Variants in DPY19L2 observed in about 807,000 individuals in gnomAD.
DPY19L2 encodes dpy-19 like 2.
In DPY19L2, 34 loss-of-function variants were observed where a neutral mutation model predicts 97.9. The ratio of observed to expected loss-of-function variants is 0.35; its 90% CI spans 0.26 to 0.46. The LOEUF (loss-of-function observed/expected upper bound fraction) is 0.46. Among genes scored for constraint, DPY19L2 ranks in the 20% least tolerant of loss-of-function variants. The probability of loss-of-function intolerance (pLI) is 1.00; values close to 1 mark genes in which losing one functional copy is unlikely to be tolerated. For synonymous variants in DPY19L2, 230 were observed against 307.9 expected (o/e 0.75, Z 2.65); for missense variants, 623 against 911.4 (o/e 0.68, Z 4.07).
At chr12:63,595,677 A>T (rs1187547918) in intron 15 of DPY19L2, among the ~76,000 whole-genome samples, 1 of 152,128 alleles carries the variant, frequency 6.6e-6, no homozygotes, top group Non-Finnish European at 1.5e-5. Context: ...CAGGATTGTA[A>T]GTTCCAAGAC....
At chr12:63,655,973 C>T (rs1278111919) in intron 4 of DPY19L2, among the ~76,000 whole-genome samples, 1 of 152,144 alleles carries the variant, frequency 6.6e-6, no homozygotes, top group East Asian at 1.9e-4. Flanking sequence ...AGTGGCATGA[C>T]CCATGTAATT....
At chr12:63,570,922 A>C in intron 19 of DPY19L2, 65 bp from the exon 20 acceptor site, 11 of 1,534,356 alleles carry the variant, frequency 7.2e-6, no homozygotes, top group Non-Finnish European at 9.7e-6. Flanking sequence ...AGTTAAACTT[A>C]CCTCTAATAT....
intron 4 of DPY19L2, among the ~76,000 whole-genome samples, chr12:63,649,459 G>T (rs1893882207): frequency 6.6e-6 from 1 of 151,240 alleles, no homozygotes. Context: ...AGAGAGAGAA[G>T]ACCCAAATAA....
intron 6 of DPY19L2, among the ~76,000 whole-genome samples, chr12:63,628,415 T>C (rs1889959985): frequency 6.6e-6 from 1 of 152,054 alleles, no homozygotes; most frequent in African/African-American, 2.4e-5. Flanking sequence ...CACCAGGAGA[T>C]TATATCACAC....
At chr12:63,597,773 CATATT>C (rs1197978915) in intron 14 of DPY19L2, 31 bp downstream of exon 14, 2 of 1,564,118 alleles carry the variant, frequency 1.3e-6, no homozygotes, top group Middle Eastern at 2.2e-4. Flanking sequence ...GCAAAAAACT[CATATT>C]AGTAGAGAAG....
chr12:63,566,201 T>C (rs1022422704), intron 21 of DPY19L2, among the ~76,000 whole-genome samples: 1 of 152,088 alleles, frequency 6.6e-6, no homozygotes, highest in Non-Finnish European at 1.5e-5. Context: ...TGGTTTGATA[T>C]AGGCTTGCTA....
intron 6 of DPY19L2, among the ~76,000 whole-genome samples, chr12:63,635,282 C>T (rs374391176): frequency 6.6e-6 from 1 of 152,100 alleles, no homozygotes; most frequent in Non-Finnish European, 1.5e-5. Flanking sequence ...CCCATCTATA[C>T]GTCACCATCA....
intron 6 of DPY19L2, among the ~76,000 whole-genome samples, chr12:63,632,507 AG>A (rs762071154): frequency 3.3e-5 from 5 of 152,190 alleles, no homozygotes; most frequent in Non-Finnish European, 7.3e-5. Flanking sequence ...CCAACTTACA[AG>A]GGATGTGAAG....
intron 3 of DPY19L2, among the ~76,000 whole-genome samples, 186 bp downstream of exon 3, chr12:63,663,572 G>C (rs531385102): frequency 1.4e-4 from 21 of 152,088 alleles, no homozygotes; most frequent in Non-Finnish European, 2.2e-4. Context: ...ATTAGGAAAG[G>C]GTGAGAGATA....
At chr12:63,598,012 G>T in intron 13 of DPY19L2, 102 bp from the exon 14 acceptor site, 10 of 877,386 alleles carry the variant, frequency 1.1e-5, no homozygotes, top group Admixed American at 6.9e-5. Flanking sequence ...TTATAGAGCA[G>T]ATAAATCCAA....
intron 9 of DPY19L2, among the ~76,000 whole-genome samples, chr12:63,620,750 C>A (rs983186029): frequency 6.6e-6 from 1 of 152,126 alleles, no homozygotes; most frequent in Non-Finnish European, 1.5e-5. Flanking sequence ...TACAAAGACA[C>A]GTGCACCCAT....
chr12:63,607,806 T>C (rs1886310433), intron 12 of DPY19L2, among the ~76,000 whole-genome samples: 3 of 152,066 alleles, frequency 2.0e-5, no homozygotes, highest in Admixed American at 1.3e-4. Flanking sequence ...CTAGTTTTTC[T>C]ATTTTTTGTA....
chr12:63,658,356 G>A (rs141670858), intron 4 of DPY19L2, among the ~76,000 whole-genome samples: 235 of 152,100 alleles, frequency 1.5e-3, no homozygotes, highest in African/African-American at 5.3e-3. Flanking sequence ...TTAGCCAGGC[G>A]TGGTGGCGCA....
rs1272446082 is a variant in DPY19L2, at chr12:63,560,615, T to C, written c.2174A>G (p.Asn725Ser). 8.7e-6 allele frequency: 14 copies of C among 1,613,934 alleles called. No individual in the cohort carries two copies. The highest frequency in any genetic ancestry group is 2.7e-5 in the African/African-American group (2 of 74,908). ...GCTACATAAGGGAGGGTTAGCTGCA[T>C]TGGAAGGGTCTTCCACATCCCAGAT... The part of the protein sequence containing the change: ...LEIWDVEDPS[N>S]AANPPLCSVL... Residue 725 changes from asparagine to serine, a missense_variant, in exon 22 of 22, where the codon AAT (asparagine) becomes AGT (serine). Asn to Ser is a conservative substitution (Grantham distance 46, BLOSUM62 1). Transcript: ENST00000324472.
intron 11 of DPY19L2, among the ~76,000 whole-genome samples, chr12:63,615,581 T>C (rs1467733531): frequency 2.0e-5 from 3 of 152,162 alleles, no homozygotes; most frequent in Non-Finnish European, 4.4e-5. Context: ...CATGAAATCC[T>C]CCACATGTTC....
At chr12:63,602,362 G>A (rs1565748222) in intron 12 of DPY19L2, among the ~76,000 whole-genome samples, 2 of 152,048 alleles carry the variant, frequency 1.3e-5, no homozygotes, top group African/African-American at 4.8e-5. Flanking sequence ...GATGAAGAAT[G>A]AAAATGATAC....
chr12:63,589,804 G>A (rs557176609), intron 16 of DPY19L2, among the ~76,000 whole-genome samples: 2 of 152,162 alleles, frequency 1.3e-5, no homozygotes, highest in Admixed American at 6.5e-5. Flanking sequence ...GCACATAAGA[G>A]ACAAAATGTT....
At chr12:63,656,399 T>C (rs1490782712) in intron 4 of DPY19L2, among the ~76,000 whole-genome samples, 7 of 152,188 alleles carry the variant, frequency 4.6e-5, no homozygotes, top group Admixed American at 1.3e-4. Flanking sequence ...AAACTTCTCC[T>C]ATAAAGAGCC....
chr12:63,560,672 G>A lies in DPY19L2; in HGVS notation c.2127-10C>T. 1 of 1,613,422 alleles carries A rather than the reference G, an allele frequency of 6.2e-7. No individual in the cohort carries two copies. Among genetic ancestry groups the A allele is most frequent in the Non-Finnish European group, 8.5e-7 (1 of 1,179,610 alleles). ...CATACTGCAACCAGGCCTGAAAAAA[G>A]ACAGACATATATATCCATATTAGAA... is the stretch of plus-strand genomic sequence containing the variant. On this transcript the variant is annotated splice_polypyrimidine_tract_variant and intron_variant, in intron 21 of 21. Coordinates refer to ENST00000324472, the MANE Select transcript of DPY19L2 (RefSeq NM_173812.5).
Sources: gnomAD v4.1 joint callset for allele counts (sites outside exome capture counted in the v4.1 genomes callset) on GRCh38, gnomAD v4.1.1 for gene constraint, MANE v1.5 for transcripts, NCBI Gene and HGNC (gene_info 2026-07-23, HGNC 2026-07-21) for gene names.